The following STARD13 variants were observed in gnomAD, a reference collection of about 807,000 sequenced individuals.
The protein encoded by STARD13 is StAR related lipid transfer domain containing 13, also known as stAR-related lipid transfer protein 13.
Under a neutral mutation model 106.4 loss-of-function variants are expected in STARD13, and 62 were observed. That is an observed-to-expected ratio of 0.58 (90% CI 0.48 to 0.72). The LOEUF is 0.72. STARD13 is among the 30% of genes least tolerant of loss of function. The probability of loss-of-function intolerance (pLI) is 0.00; values close to 1 mark genes in which losing one functional copy is unlikely to be tolerated. For missense variants in STARD13, 1,387 were observed against 1,424.0 expected, an observed-to-expected ratio of 0.97 and a Z score of 0.42; for synonymous variants, 565 against 553.0, an observed-to-expected ratio of 1.02 and a Z score of -0.31.
At chr13:33,254,400 G>A (rs1005628541) in intron 1 of STARD13, among the ~76,000 whole-genome samples, 2 of 152,188 alleles carry the variant, frequency 1.3e-5, no homozygotes, top group Non-Finnish European at 2.9e-5. Flanking sequence ...GATTTGTTGA[G>A]TATTGTTTTA....
At chr13:33,579,328 A>G in the STARD13 span, among the ~76,000 whole-genome samples, 1 of 152,150 alleles carries the variant, frequency 6.6e-6, no homozygotes, top group Non-Finnish European at 1.5e-5. Flanking sequence ...AAATAACAAA[A>G]TAATGTCTTT....
the STARD13 span, among the ~76,000 whole-genome samples, chr13:33,517,274 C>G: frequency 6.6e-6 from 1 of 152,078 alleles, no homozygotes; most frequent in African/African-American, 2.4e-5. Flanking sequence ...AGCTAAAACC[C>G]AATTCGTTTT....
chr13:33,353,803 G>C (rs2078101700), upstream of STARD13, among the ~76,000 whole-genome samples: 1 of 149,874 alleles, frequency 6.7e-6, no homozygotes. Context: ...TTTCCTTATA[G>C]CGCTTCCACT....
At chr13:33,606,057 T>C in the STARD13 span, among the ~76,000 whole-genome samples, 1 of 152,170 alleles carries the variant, frequency 6.6e-6, no homozygotes, top group East Asian at 1.9e-4. Flanking sequence ...CCCAGCACTT[T>C]GGGAAGCCTA....
chr13:33,155,600 C>A (rs1041715451), intron 3 of STARD13: 1 of 152,138 alleles, frequency 6.6e-6, no homozygotes, highest in African/African-American at 2.4e-5. Context: ...ATATAAAAGT[C>A]ATCCTGAGTA....
the STARD13 span, among the ~76,000 whole-genome samples, chr13:33,430,683 CAATGGATA>C: frequency 6.7e-4 from 102 of 152,278 alleles, no homozygotes; most frequent in African/African-American, 2.3e-3. Flanking sequence ...AAGTGCCCTT[CAATGGATA>C]AATGGATAAA....
At chr13:33,613,437 G>C in the STARD13 span, among the ~76,000 whole-genome samples, 1 of 152,230 alleles carries the variant, frequency 6.6e-6, no homozygotes, top group South Asian at 2.1e-4. Context: ...ATTAGAGGGA[G>C]TAGTTTTCCC....
At chr13:33,270,132 A>G (rs1323475433) in intron 1 of STARD13, among the ~76,000 whole-genome samples, 1 of 152,176 alleles carries the variant, frequency 6.6e-6, no homozygotes, top group African/African-American at 2.4e-5. Context: ...GCTACTTGGG[A>G]GGCTGAGGCA....
At position 33,106,946 on chromosome 13, in the gene STARD13, C is replaced by T; in HGVS notation, c.3048-12G>A. 6.2e-7 allele frequency: 1 copy of T among 1,608,050 alleles called. No homozygotes were observed. The highest frequency in any genetic ancestry group is 8.5e-7 in the Non-Finnish European group (1 of 1,176,404). On this transcript the variant is annotated splice_polypyrimidine_tract_variant and intron_variant, in intron 12 of 13. Coordinates refer to ENST00000336934, the MANE Select transcript of STARD13 (RefSeq NM_178006.4). Reference sequence around the variant, plus strand: ...CAGTTTTCCAGGTCCTGTAGCAAAACAATCCGCACATCAGAGTCATGACTG... The same window carrying T: ...CAGTTTTCCAGGTCCTGTAGCAAAATAATCCGCACATCAGAGTCATGACTG...
At chr13:33,584,620 C>T in the STARD13 span, among the ~76,000 whole-genome samples, 326 of 152,174 alleles carry the variant, frequency 2.1e-3, 1 homozygote, top group African/African-American at 7.3e-3. Flanking sequence ...TTACAAATGT[C>T]GAGCATGTCT....
chr13:33,460,272 G>T, the STARD13 span, among the ~76,000 whole-genome samples: 23 of 152,050 alleles, frequency 1.5e-4, 1 homozygote, highest in African/African-American at 5.5e-4. Flanking sequence ...CAGATCACGA[G>T]GTCAGGAGAT....
intron 1 of STARD13, among the ~76,000 whole-genome samples, chr13:33,243,407 G>T (rs1889642669): frequency 6.6e-6 from 1 of 152,202 alleles, no homozygotes; most frequent in South Asian, 2.1e-4. Flanking sequence ...CCTGTGAGGA[G>T]TGTAGCTCCT....
the STARD13 span, among the ~76,000 whole-genome samples, chr13:33,429,153 T>A: frequency 1.3e-5 from 2 of 152,202 alleles, no homozygotes; most frequent in Non-Finnish European, 2.9e-5. Flanking sequence ...TACCATATGA[T>A]CCAGCAATCC....
intron 1 of STARD13, among the ~76,000 whole-genome samples, chr13:33,221,262 T>C (rs578075751): frequency 1.3e-5 from 2 of 152,304 alleles, no homozygotes; most frequent in South Asian, 4.1e-4. Context: ...CGCCAGCCCC[T>C]GGAAACCACT....
chr13:33,141,358 C>A (rs933664214), intron 4 of STARD13, among the ~76,000 whole-genome samples: 1 of 152,178 alleles, frequency 6.6e-6, no homozygotes, highest in Non-Finnish European at 1.5e-5. Context: ...AACAGAGAAG[C>A]CTCATCTCAG....
At chr13:33,267,552 T>C (rs1444724067) in intron 1 of STARD13, among the ~76,000 whole-genome samples, 1 of 152,202 alleles carries the variant, frequency 6.6e-6, no homozygotes, top group Non-Finnish European at 1.5e-5. Flanking sequence ...TGCGTTGTTA[T>C]ATCCCAAGGA....
chr13:33,208,670 G>A (rs1324835869), intron 1 of STARD13, among the ~76,000 whole-genome samples: 1 of 152,160 alleles, frequency 6.6e-6, no homozygotes, highest in African/African-American at 2.4e-5. Context: ...GCTCCACTCA[G>A]GAGGCTATGG....
chr13:33,632,875 C>A, the STARD13 span, among the ~76,000 whole-genome samples: 1 of 151,268 alleles, frequency 6.6e-6, no homozygotes. Context: ...CTTTCAAGAG[C>A]ACAGTGATCA....
At chr13:33,239,821 T>C (rs970919772) in intron 1 of STARD13, among the ~76,000 whole-genome samples, 1 of 152,216 alleles carries the variant, frequency 6.6e-6, no homozygotes, top group African/African-American at 2.4e-5. Flanking sequence ...ATGGTTTGCA[T>C]ATATTTTCTT....
Sources: allele counts gnomAD v4.1 joint callset (sites outside exome capture counted in the v4.1 genomes callset), GRCh38; gene constraint gnomAD v4.1.1; transcripts MANE v1.5; gene names NCBI Gene and HGNC (gene_info 2026-07-23, HGNC 2026-07-21).